NBAS: variants seen among roughly 807,000 people sequenced by gnomAD.
NBAS encodes NAG/BC035112 fusion.
A neutral mutation model predicts 302.5 loss-of-function variants in NBAS; 219 were observed. The ratio of observed to expected loss-of-function variants is 0.72; its 90% confidence interval spans 0.65 to 0.81. The LOEUF is 0.81. NBAS is among the 30% of genes least tolerant of loss of function. The pLI, the probability that NBAS is intolerant of heterozygous loss-of-function variation, is 0.00. For missense variants in NBAS, 2,932 were observed against 2,841.6 expected, an observed-to-expected ratio of 1.03 and a Z score of -0.72; for synonymous variants, 1,118 against 1,021.6, an observed-to-expected ratio of 1.09 and a Z score of -1.80.
chr2:15,338,220 G>T (rs1436537685), intron 35 of NBAS, among the ~76,000 whole-genome samples: 1 of 152,094 alleles, frequency 6.6e-6, no homozygotes, highest in African/African-American at 2.4e-5. Flanking sequence ...GGCAATAAGG[G>T]TTAATTTCTG....
At chr2:15,196,535 CA>C (rs1430834937) in intron 48 of NBAS, among the ~76,000 whole-genome samples, 3 of 152,006 alleles carry the variant, frequency 2.0e-5, no homozygotes, top group Admixed American at 2.0e-4. Flanking sequence ...AAAATGAATG[CA>C]ATCAGAACAA....
At chr2:15,098,460 A>G in the NBAS span, among the ~76,000 whole-genome samples, 263 of 100,328 alleles carry the variant, frequency 2.6e-3, 3 homozygotes, top group Non-Finnish European at 3.9e-3. Context: ...ATTATATATT[A>G]TATATTGTAT....
chr2:15,458,129 C>T lies in NBAS; in HGVS notation c.2339+3072G>A, dbSNP rs186750431. Among the ~76,000 whole-genome samples, 10 of 151,982 alleles carry T rather than the reference C, an allele frequency of 6.6e-5. No homozygotes were observed. The East Asian group carries it at 1.2e-3, about 18-fold the overall frequency. ...ATGGTCTCTGTCTTTAAGAGTTACT[C>T]GGATATTTATTAAAGAAGGAAATGA... On this transcript the variant is annotated intron_variant, in intron 21 of 51. Coordinates refer to ENST00000281513, the MANE Select transcript of NBAS (RefSeq NM_015909.4).
In NBAS at chr2:15,275,609, G is replaced by A. The variant is rs149044964; in HGVS notation, c.5599C>T (p.Pro1867Ser). Residue 1867 changes from proline (P) to serine (S), a missense_variant, in exon 44 of 52, where the codon CCA (proline) becomes TCA (serine). Physicochemically the swap from Pro to Ser is moderately conservative, Grantham distance 74 (BLOSUM62 -1). Transcript: ENST00000281513. ...TGDPHLIKQV[P>S]GSSPEWLHAY... ...TGAAGCCACTCCGGTGAAGAGCCTGGGACTTGTTTAATGAGATGAGGGTCT... is the reference window on the plus strand; with the variant it reads ...TGAAGCCACTCCGGTGAAGAGCCTGAGACTTGTTTAATGAGATGAGGGTCT... The A allele has an allele frequency of 2.5e-5, 40 of 1,614,162 alleles. No individual in the cohort carries two copies. The African/African-American group carries it at 4.0e-4, about 16-fold the overall frequency.
chr2:15,051,654 C>G, the NBAS span, among the ~76,000 whole-genome samples: 1 of 152,200 alleles, frequency 6.6e-6, no homozygotes, highest in Non-Finnish European at 1.5e-5. Flanking sequence ...GAGCAAGACA[C>G]AGTGTACCAT....
chr2:14,971,201 A>C, the NBAS span, among the ~76,000 whole-genome samples: 1 of 152,178 alleles, frequency 6.6e-6, no homozygotes, highest in East Asian at 1.9e-4. Flanking sequence ...TCACCAAATT[A>C]ATTACTAGAT....
chr2:15,163,338 G>C (rs960192718), downstream of NBAS, among the ~76,000 whole-genome samples: 4 of 152,162 alleles, frequency 2.6e-5, no homozygotes, highest in African/African-American at 9.7e-5. Flanking sequence ...TTCATTTTCT[G>C]TGTGTTTCTG....
chr2:15,347,895 AC>A (rs1673168907), intron 35 of NBAS, among the ~76,000 whole-genome samples: 1 of 152,214 alleles, frequency 6.6e-6, no homozygotes, highest in Non-Finnish European at 1.5e-5. Flanking sequence ...ATATCTTCAA[AC>A]TTGTCGGCTC....
chr2:14,997,397 G>C, the NBAS span, among the ~76,000 whole-genome samples: 1 of 150,080 alleles, frequency 6.7e-6, no homozygotes, highest in African/African-American at 2.4e-5. Flanking sequence ...CTTCTGCAAT[G>C]AACTAGTTCA....
chr2:15,406,926 T>C (rs1331827088), intron 25 of NBAS, among the ~76,000 whole-genome samples: 1 of 152,194 alleles, frequency 6.6e-6, no homozygotes, highest in African/African-American at 2.4e-5. Context: ...GGCATACTCC[T>C]ACTTGGCTGG....
intron 40 of NBAS, among the ~76,000 whole-genome samples, chr2:15,294,001 G>A (rs946643765): frequency 3.3e-5 from 5 of 152,120 alleles, no homozygotes; most frequent in Admixed American, 1.3e-4. Context: ...GTTTGAATAC[G>A]AACTATTCCA....
rs78082714 is a variant in NBAS, at chr2:15,522,858, G to T, written c.747-11508C>A. The stretch of plus-strand genomic sequence containing the variant: ...GATAACAAAAACAGTCTATTAACAC[G>T]TTTTATATTTATTACATACTATATT... On this transcript the variant is annotated intron_variant, in intron 9 of 51. Coordinates refer to ENST00000281513, the MANE Select transcript of NBAS (RefSeq NM_015909.4). 7.9e-3 allele frequency among the ~76,000 whole-genome samples: 1,196 copies of T among 152,116 alleles called. 19 individuals are homozygous for T. The highest frequency in any genetic ancestry group is 0.057 in the East Asian group (295 of 5,188).
At position 15,186,860 on chromosome 2, in the gene NBAS, A is replaced by T. The variant is rs760334693; in HGVS notation, c.6593T>A (p.Val2198Glu). 6.2e-7 allele frequency: 1 copy of T among 1,613,936 alleles called. No individual in the cohort carries two copies. The highest frequency in any genetic ancestry group is 1.1e-5 in the South Asian group (1 of 91,070). ...SEYVITNNPWVRLATVMLTRC... is the reference protein window; with the variant it reads ...SEYVITNNPWERLATVMLTRC... ...GGTTAGCATCACTGTAGCTAGTCTCACCCATGGATTATTGGTTATGCTGGT... is the reference window on the plus strand; with the variant it reads ...GGTTAGCATCACTGTAGCTAGTCTCTCCCATGGATTATTGGTTATGCTGGT... The change falls in exon 50 of 52, where the codon GTG becomes GAG. Residue 2198 changes from valine to glutamate, a missense_variant. Val to Glu is a moderately radical substitution (Grantham distance 121). Coordinates refer to ENST00000281513, the MANE Select transcript of NBAS (RefSeq NM_015909.4).
At chr2:15,279,382 A>G (rs1669729232) in intron 42 of NBAS, among the ~76,000 whole-genome samples, 1 of 152,154 alleles carries the variant, frequency 6.6e-6, no homozygotes, top group Admixed American at 6.5e-5. Context: ...ATCAAGGTCA[A>G]GCACCCATAT....
At chr2:15,461,115 T>C in intron 21 of NBAS, 86 bp downstream of exon 21, 1 of 1,141,582 alleles carries the variant, frequency 8.8e-7, no homozygotes, top group East Asian at 2.7e-5. Flanking sequence ...ATTAAAATTA[T>C]TTTTTTTAAC....
the NBAS span, among the ~76,000 whole-genome samples, chr2:14,872,271 C>T: frequency 6.6e-6 from 1 of 152,076 alleles, no homozygotes; most frequent in Admixed American, 6.5e-5. Context: ...TAGGGAAAGC[C>T]AGCAGCCTTC....
the NBAS span, among the ~76,000 whole-genome samples, chr2:15,023,654 C>A: frequency 0.021 from 1,790 of 86,204 alleles, 62 homozygotes; most frequent in African/African-American, 0.073. Flanking sequence ...TAGTGATTTT[C>A]ATCTATTTCC....
At chr2:15,453,906 G>A (rs751060612) in intron 21 of NBAS, among the ~76,000 whole-genome samples, 4 of 152,020 alleles carry the variant, frequency 2.6e-5, no homozygotes, top group Non-Finnish European at 5.9e-5. Flanking sequence ...AGCCTCTGGA[G>A]TAGTTGGGAC....
Position 15,553,851 on chromosome 2 carries a change from TCTCC to T in NBAS, c.287+206_287+209del, listed in dbSNP as rs1417599976. 2.7e-5 allele frequency among the ~76,000 whole-genome samples: 3 copies of T among 111,844 alleles called. 1 individual carries two copies. The highest frequency in any genetic ancestry group is 7.1e-4 in the South Asian group (2 of 2,820). The allele number at this position is 111,844 out of a possible 152,430, so 73.4% of individuals were successfully genotyped here. On this transcript the variant is annotated intron_variant, in intron 4 of 51. Transcript: ENST00000281513. The stretch of plus-strand genomic sequence containing the variant: ...CTCTCTCCCTCTCTCCCTCTTCCTC[TCTCC>T]CTCCCTCCCTCTCTCCCTCTCTCTC...
Sources: allele counts gnomAD v4.1 joint callset (sites outside exome capture counted in the v4.1 genomes callset), GRCh38; gene constraint gnomAD v4.1.1; transcripts MANE v1.5; gene names NCBI Gene and HGNC (gene_info 2026-07-23, HGNC 2026-07-21).